DENND4C: variants seen among roughly 807,000 people sequenced by gnomAD.
DENND4C encodes the protein DENN domain containing 4C, also known as DENN domain-containing protein 4C.
A neutral mutation model predicts 203.0 loss-of-function variants in DENND4C; 108 were observed. The observed-to-expected ratio is 0.53, with a 90% CI of 0.46 to 0.62. DENND4C has a LOEUF of 0.62. Among genes scored for constraint, DENND4C ranks in the 20% least tolerant of loss-of-function variants. The probability of loss-of-function intolerance (pLI) is 0.00; values close to 1 mark genes in which losing one functional copy is unlikely to be tolerated. For missense variants in DENND4C, 2,481 were observed against 2,301.2 expected, an observed-to-expected ratio of 1.08 and a Z score of -1.60; for synonymous variants, 871 against 792.4, an observed-to-expected ratio of 1.10 and a Z score of -1.67.
Position 19,242,987 on chromosome 9 carries a change from G to C in DENND4C, c.-18+12154G>C, listed in dbSNP as rs1197859274. Among the ~76,000 whole-genome samples the C allele has an allele frequency of 1.9e-4, 29 of 152,038 alleles. 1 individual carries two copies. The highest frequency in any genetic ancestry group is 1.8e-3 in the Admixed American group (27 of 15,250). ...TCCTTTTTAAAGTTAGCTTTATTGA[G>C]ATATAATTTACACACCATAAAATTC... On this transcript the variant is annotated intron_variant, in intron 1 of 32. Coordinates refer to ENST00000434457, the MANE Select transcript of DENND4C (RefSeq NM_001330640.2).
chr9:19,349,159 G>C (rs1290655769), intron 23 of DENND4C, among the ~76,000 whole-genome samples: 3 of 152,130 alleles, frequency 2.0e-5, no homozygotes, highest in Admixed American at 6.6e-5. Context: ...TGTAATCCCA[G>C]CACTTTCAGA....
intron 17 of DENND4C, among the ~76,000 whole-genome samples, chr9:19,332,997 T>C (rs1819622457): frequency 1.3e-5 from 2 of 150,100 alleles, no homozygotes; most frequent in South Asian, 2.1e-4. Context: ...AGGTGAGTTA[T>C]ATAATCTATT....
At chr9:19,363,761 A>G (rs568346667) in intron 30 of DENND4C, among the ~76,000 whole-genome samples, 1 of 152,272 alleles carries the variant, frequency 6.6e-6, no homozygotes, top group East Asian at 1.9e-4. Flanking sequence ...CTGTAATCCC[A>G]GCACTTTGGG....
Position 19,352,586 on chromosome 9 carries a change from A to C in DENND4C, c.4702A>C (p.Asn1568His). The C allele has an allele frequency of 1.2e-6, 2 of 1,613,896 alleles. No homozygotes were observed. Among genetic ancestry groups the C allele is most frequent in the Non-Finnish European group, 1.7e-6 (2 of 1,179,880 alleles). Reference sequence around the variant, plus strand: ...ATGGACAGCAGATGACTCAAATTTGAATACAGCTTGTCCATTCTGTAAAAG... The same window carrying C: ...ATGGACAGCAGATGACTCAAATTTGCATACAGCTTGTCCATTCTGTAAAAG... ...AGWTADDSNL[N>H]TACPFCKSNF... The change falls in exon 26 of 33, where the codon AAT becomes CAT. Residue 1568 changes from asparagine to histidine, a missense_variant. Transcript: ENST00000434457.
At chr9:19,306,437 A>C (rs1462315610) in intron 10 of DENND4C, among the ~76,000 whole-genome samples, 1 of 152,188 alleles carries the variant, frequency 6.6e-6, no homozygotes, top group Non-Finnish European at 1.5e-5. Context: ...CTCCTTATGT[A>C]TATTTAGATT....
intron 9 of DENND4C, 103 bp downstream of exon 9, chr9:19,300,434 T>C (rs1838323531): frequency 1.2e-5 from 14 of 1,150,856 alleles, no homozygotes; most frequent in African/African-American, 1.6e-5. Flanking sequence ...ACAACAAATT[T>C]AAAAAAAGGA....
In DENND4C at chr9:19,284,122, A is replaced by T. The variant is rs191878053; in HGVS notation, c.306-2647A>T. On this transcript the variant is annotated intron_variant, in intron 2 of 32. Coordinates refer to ENST00000434457, the MANE Select transcript of DENND4C (RefSeq NM_001330640.2). The stretch of plus-strand genomic sequence containing the variant: ...ATATACTTGTCACCTACAAATTGAC[A>T]TTTTTTTTCATTTGTTTGCTAAGCT... Among the ~76,000 whole-genome samples the T allele has an allele frequency of 1.7e-3, 252 of 152,108 alleles. 2 individuals carry two copies. Among genetic ancestry groups the T allele is most frequent in the African/African-American group, 4.6e-3 (192 of 41,482 alleles).
rs760054923 is a variant in DENND4C, at chr9:19,305,537, T to A, written c.1487+10T>A. 2 of 1,605,210 alleles carry A rather than the reference T, an allele frequency of 1.2e-6. No individual in the cohort carries two copies. The highest frequency in any genetic ancestry group is 1.7e-5 in the Admixed American group (1 of 59,684). On this transcript the variant is annotated intron_variant, in intron 10 of 32. Coordinates refer to ENST00000434457, the MANE Select transcript of DENND4C (RefSeq NM_001330640.2). ...CGAACATGTTATATGTGTAAGTTGA[T>A]TCATTTTATATTATCTCCCATTTAT...
Position 19,287,358 on chromosome 9 carries a change from C to T in DENND4C, c.558+337C>T, listed in dbSNP as rs547992803. ...GAAGCTCTCCTTACATTCATTTATT[C>T]ATTCATTCATTCATTTGTTTGCTTT... On this transcript the variant is annotated intron_variant, in intron 3 of 32. Transcript: ENST00000434457. 6.1e-4 allele frequency among the ~76,000 whole-genome samples: 93 copies of T among 152,190 alleles called. 1 individual carries two copies. The highest frequency in any genetic ancestry group is 3.7e-3 in the South Asian group (18 of 4,820).
At chr9:19,367,176 T>TA (rs1164781369) in intron 30 of DENND4C, among the ~76,000 whole-genome samples, 7 of 151,238 alleles carry the variant, frequency 4.6e-5, no homozygotes, top group Non-Finnish European at 8.8e-5. Flanking sequence ...ATGGCTATAA[T>TA]AAAAAAAAAT....
rs1829114323 is a variant in DENND4C, at chr9:19,373,106, TTAATG to T, written c.*936_*940del. The T allele has an allele frequency of 6.6e-6, 1 of 152,262 alleles. No individual in the cohort carries two copies. The highest frequency in any genetic ancestry group is 2.1e-4 in the South Asian group (1 of 4,828). The allele number at this position is 152,262 out of a possible 1,614,324, so 9.4% of individuals were successfully genotyped here. A position where few individuals can be genotyped will look rare whatever the true frequency, so the allele number is the denominator to read the frequency against. On this transcript the variant is annotated 3_prime_UTR_variant, in exon 33 of 33. Coordinates refer to ENST00000434457, the MANE Select transcript of DENND4C (RefSeq NM_001330640.2). ...CTGATGACAGCTGCCTTCCCTAACT[TTAATG>T]TATTAGGTTGGCACAAAATTAATTG...
At chr9:19,322,634 G>T (rs982388167) in intron 12 of DENND4C, among the ~76,000 whole-genome samples, 13 of 151,560 alleles carry the variant, frequency 8.6e-5, no homozygotes, top group Admixed American at 8.6e-4. Context: ...TTCTCAGGAG[G>T]CTGAGGCAGG....
intron 23 of DENND4C, among the ~76,000 whole-genome samples, chr9:19,349,625 G>A (rs1823641514): frequency 6.6e-6 from 1 of 152,130 alleles, no homozygotes; most frequent in Non-Finnish European, 1.5e-5. Flanking sequence ...TCTATAAAAT[G>A]TTTTTAACTT....
At chr9:19,315,596 T>C (rs1841678924) in intron 10 of DENND4C, among the ~76,000 whole-genome samples, 1 of 151,302 alleles carries the variant, frequency 6.6e-6, no homozygotes, top group Non-Finnish European at 1.5e-5. Context: ...TATGTATGTG[T>C]GTGTATATAT....
intron 12 of DENND4C, among the ~76,000 whole-genome samples, chr9:19,318,710 C>T (rs995151527): frequency 1.3e-5 from 2 of 152,170 alleles, no homozygotes; most frequent in Non-Finnish European, 2.9e-5. Context: ...TCCATGTGGT[C>T]TTCCTTCAGT....
chr9:19,242,338 G>T (rs1014124448), intron 1 of DENND4C, among the ~76,000 whole-genome samples: 19 of 152,154 alleles, frequency 1.2e-4, no homozygotes, highest in African/African-American at 4.6e-4. Flanking sequence ...GGACATCCTT[G>T]GTTCCAGGTT....
At chr9:19,291,376 TC>T (rs761341218) in intron 5 of DENND4C, 1 of 153,170 alleles carries the variant, frequency 6.5e-6, no homozygotes, top group Non-Finnish European at 1.5e-5. Context: ...AAAAATATGG[TC>T]CTTAAAATTA....
chr9:19,275,277 C>CTTTTTTT (rs71335412), intron 1 of DENND4C, among the ~76,000 whole-genome samples: 2 of 129,988 alleles, frequency 1.5e-5, no homozygotes, highest in African/African-American at 2.9e-5. Flanking sequence ...CAGGCCCGGC[C>CTTTTTTT]TTTTTTTTTT....
At chr9:19,268,324 G>A (rs1037372990) in intron 1 of DENND4C, among the ~76,000 whole-genome samples, 8 of 151,934 alleles carry the variant, frequency 5.3e-5, no homozygotes, top group African/African-American at 9.7e-5. Flanking sequence ...GGTATTGAAC[G>A]CCTGAGCTCA....
Sources: gnomAD v4.1 joint callset for allele counts (sites outside exome capture counted in the v4.1 genomes callset) on GRCh38, gnomAD v4.1.1 for gene constraint, MANE v1.5 for transcripts, NCBI Gene and HGNC (gene_info 2026-07-23, HGNC 2026-07-21) for gene names.